ZNF292: variants seen among roughly 807,000 people sequenced by gnomAD.
ZNF292 encodes zinc finger protein 292.
ZNF292 carries 26 observed loss-of-function variants against 217.9 expected under a neutral mutation model. That is an observed-to-expected ratio of 0.12 (90% CI 0.09 to 0.17). ZNF292 has a LOEUF of 0.17. Ranked by LOEUF, ZNF292 falls within the 10% of genes least tolerant of loss-of-function variation. The pLI is 1.00. For missense variants in ZNF292, 2,904 were observed against 3,175.2 expected (o/e 0.91, Z 2.05); for synonymous variants, 1,257 against 1,124.1 (o/e 1.12, Z -2.37).
rs765951058 is a variant in ZNF292 at position 87,261,083 on chromosome 6, CAG to C, written c.7456_7457del (p.Glu2486IlefsTer9). On this transcript the variant is annotated frameshift_variant, in exon 8 of 8. Coordinates refer to ENST00000369577, the MANE Select transcript of ZNF292 (RefSeq NM_015021.3). LOFTEE classifies it high-confidence loss of function. ...GAAAAAGATGAAATGGATGAACTAACAGAATTGTTTATTACAAAATTAATAAA... is the reference window on the plus strand; with the variant it reads ...GAAAAAGATGAAATGGATGAACTAACAATTGTTTATTACAAAATTAATAAA... The C allele has an allele frequency of 6.2e-7, 1 of 1,609,340 alleles. No individual in the cohort carries two copies. The highest frequency in any genetic ancestry group is 8.5e-7 in the Non-Finnish European group (1 of 1,177,796).
chr6:87,197,337 A>G (rs1771978334), intron 1 of ZNF292, among the ~76,000 whole-genome samples: 1 of 152,100 alleles, frequency 6.6e-6, no homozygotes, highest in Non-Finnish European at 1.5e-5. Context: ...TTAGTATTTC[A>G]TTTAATTGCA....
chr6:87,220,442 T>C (rs556514227), intron 4 of ZNF292, among the ~76,000 whole-genome samples: 1 of 152,258 alleles, frequency 6.6e-6, no homozygotes, highest in South Asian at 2.1e-4. Context: ...TGAGTATTTT[T>C]TTCATACCAC....
At chr6:87,212,740 AGG>A in intron 1 of ZNF292, among the ~76,000 whole-genome samples, 1 of 152,338 alleles carries the variant, frequency 6.6e-6, no homozygotes, top group Middle Eastern at 3.4e-3. Context: ...TGGTTCAACC[AGG>A]AACTAATCCC....
At chr6:87,201,271 G>A (rs1772092295) in intron 1 of ZNF292, among the ~76,000 whole-genome samples, 1 of 152,108 alleles carries the variant, frequency 6.6e-6, no homozygotes, top group African/African-American at 2.4e-5. Context: ...TTGAACAGAA[G>A]TTTTTAATTC....
At chr6:87,223,681 A>T (rs963550581) in intron 4 of ZNF292, 2 of 152,078 alleles carry the variant, frequency 1.3e-5, no homozygotes, top group African/African-American at 4.8e-5. Flanking sequence ...TCATAATCTG[A>T]TACTACTTTA....
Position 87,259,287 on chromosome 6 carries a change from T to G in ZNF292, c.5658T>G (p.Val1886=). The part of the protein sequence containing the change: ...STADITVIQP[V]SEMINIQFND... ...CAGATATCACAGTTATTCAGCCAGT[T>G]TCTGAAATGATAAACATTCAATTTA... Residue 1886 remains valine, a synonymous_variant, in exon 8 of 8, where the codon GTT becomes GTG. Coordinates refer to ENST00000369577, the MANE Select transcript of ZNF292 (RefSeq NM_015021.3). 6.2e-7 allele frequency: 1 copy of G among 1,613,644 alleles called. No homozygotes were observed. Among genetic ancestry groups the G allele is most frequent in the Admixed American group, 1.7e-5 (1 of 59,956 alleles).
chr6:87,243,350 TGTATGAATTAATGGCA>T, intron 5 of ZNF292, 109 bp from the exon 6 acceptor site: 1 of 698,206 alleles, frequency 1.4e-6, no homozygotes, highest in Non-Finnish European at 2.1e-6. Flanking sequence ...GACTTGATAG[TGTATGAATTAATGGCA>T]TTTTATTCAT....
intron 5 of ZNF292, among the ~76,000 whole-genome samples, chr6:87,240,369 C>T (rs1354678955): frequency 2.1e-4 from 4 of 19,000 alleles, no homozygotes; most frequent in East Asian, 1.1e-3. Flanking sequence ...AGACCCGTGG[C>T]GGTGGGTGGG....
chr6:87,177,002 C>G (rs1679240360), intron 1 of ZNF292, among the ~76,000 whole-genome samples: 1 of 152,088 alleles, frequency 6.6e-6, no homozygotes, highest in Admixed American at 6.6e-5. Flanking sequence ...CTCCCCCGGC[C>G]CCCCACTCCT....
intron 1 of ZNF292, among the ~76,000 whole-genome samples, chr6:87,199,188 T>C (rs1772039621): frequency 6.6e-6 from 1 of 152,252 alleles, no homozygotes; most frequent in Non-Finnish European, 1.5e-5. Context: ...TTTAAAATTA[T>C]AGCCATTCTA....
rs6910541 is a variant in ZNF292, at chr6:87,259,762, G to A, written c.6133G>A (p.Val2045Ile). The A allele has an allele frequency of 0.1, 162,218 of 1,600,808 alleles. 8,619 individuals are homozygous for A. The highest frequency in any genetic ancestry group is 0.16 in the Middle Eastern group (985 of 6,034). The part of the protein sequence containing the change: ...NVAVIPEKQL[V>I]EKKSPDKTES... The stretch of plus-strand genomic sequence containing the variant: ...AGCAGTGATCCCAGAAAAACAACTT[G>A]TAGAAAAAAAAAGTCCTGACAAAAC... Residue 2045 changes from valine to isoleucine, a missense_variant, in exon 8 of 8, where the codon GTA (valine) becomes ATA (isoleucine). This residue lies in a region of ZNF292 where 261 missense variants were observed against 272.8 expected (regional missense o/e 0.96). Transcript: ENST00000369577.
rs1451877700 is a variant in ZNF292, at chr6:87,259,019, C to T, written c.5390C>T (p.Ser1797Leu). 2 of 1,613,550 alleles carry T rather than the reference C, an allele frequency of 1.2e-6. No homozygotes were observed. Among genetic ancestry groups the T allele is most frequent in the Non-Finnish European group, 1.7e-6 (2 of 1,179,682 alleles). The change falls in exon 8 of 8, where the codon TCA (serine) becomes TTA (leucine). Residue 1797 changes from serine (S) to leucine (L), a missense_variant. This residue lies in a region of ZNF292 where 622 missense variants were observed against 573.1 expected (regional missense o/e 1.09). Transcript: ENST00000369577. ...AQINYNIQLP[S>L]VNTVQNNKLP... ...ATAAATTATAACATTCAGCTTCCTT[C>T]AGTAAACACTGTGCAAAATAACAAA... is the stretch of plus-strand genomic sequence containing the variant.
intron 1 of ZNF292, among the ~76,000 whole-genome samples, chr6:87,212,171 G>A (rs757751127): frequency 6.6e-6 from 1 of 152,128 alleles, no homozygotes; most frequent in Non-Finnish European, 1.5e-5. Flanking sequence ...CAAATGAACA[G>A]CCAGATGAAG....
Position 87,209,104 on chromosome 6 carries a change from A to AC in ZNF292, c.169-6791dup, listed in dbSNP as rs5878022. On this transcript the variant is annotated intron_variant, in intron 1 of 7. Coordinates refer to ENST00000369577, the MANE Select transcript of ZNF292 (RefSeq NM_015021.3). ...TTATCTCATTTTTAGCCCCACTTTC[A>AC]CCCCCCCCTCCCCATTTTCAGAGGC... is the stretch of plus-strand genomic sequence containing the variant. Among the ~76,000 whole-genome samples, 859 of 137,126 alleles carry AC rather than the reference A, an allele frequency of 6.3e-3. 41 individuals carry two copies. The highest frequency in any genetic ancestry group is 0.018 in the African/African-American group (597 of 33,394). 90.0% of individuals were successfully genotyped at this position (137,126 alleles called of 152,430 possible).
chr6:87,251,364 A>C (rs1053634952), intron 7 of ZNF292, among the ~76,000 whole-genome samples: 15 of 152,210 alleles, frequency 9.9e-5, no homozygotes, highest in Non-Finnish European at 4.4e-5. Flanking sequence ...GGGAAACTGA[A>C]AGCAACATGC....
At position 87,260,112 on chromosome 6, in the gene ZNF292, A is replaced by G. The variant is rs1047568817; in HGVS notation, c.6483A>G (p.Glu2161=). 1.9e-6 allele frequency: 3 copies of G among 1,613,574 alleles called. No individual in the cohort carries two copies. Among genetic ancestry groups the G allele is most frequent in the Non-Finnish European group, 2.5e-6 (3 of 1,179,658 alleles). Reference sequence around the variant, plus strand: ...AAAGTGAAGCTGGTAAAGAAAGTGAAGAAACTGAAACTAAACAAACTTTGA... The same window carrying G: ...AAAGTGAAGCTGGTAAAGAAAGTGAGGAAACTGAAACTAAACAAACTTTGA... ...EEESEAGKES[E]ETETKQTLKE... Residue 2161 remains glutamate (E), a synonymous_variant, in exon 8 of 8, where the codon GAA becomes GAG. Transcript: ENST00000369577.
intron 1 of ZNF292, among the ~76,000 whole-genome samples, chr6:87,181,217 G>A (rs1248465371): frequency 3.3e-5 from 5 of 152,100 alleles, no homozygotes; most frequent in Non-Finnish European, 7.3e-5. Context: ...CGGATCACAC[G>A]CAGGCTCGAA....
At chr6:87,211,079 T>C (rs1479079602) in intron 1 of ZNF292, among the ~76,000 whole-genome samples, 1 of 152,172 alleles carries the variant, frequency 6.6e-6, no homozygotes, top group East Asian at 1.9e-4. Context: ...ACTAGTGTAG[T>C]CCCTTCTGGT....
At chr6:87,213,607 GAGCAGGTGACCAGGGGTGACTCAGGTAA>G (rs1231589667) in intron 1 of ZNF292, 1 of 152,904 alleles carries the variant, frequency 6.5e-6, no homozygotes, top group Admixed American at 6.5e-5. Context: ...ACTTAGGTCA[GAGCAGGTGACCAGGGGTGACTCAGGTAA>G]AGCAGGTGAC....
Sources: gnomAD v4.1 joint callset for allele counts (sites outside exome capture counted in the v4.1 genomes callset) on GRCh38, gnomAD v4.1.1 for gene constraint, gnomAD v4.1.1 regional missense constraint, MANE v1.5 for transcripts, NCBI Gene and HGNC (gene_info 2026-07-23, HGNC 2026-07-21) for gene names.